The following FAM13B variants were observed in gnomAD, a reference collection of about 807,000 sequenced individuals.
The protein encoded by FAM13B is family with sequence similarity 13 member B.
Under a neutral mutation model 117.3 loss-of-function variants are expected in FAM13B, and 60 were observed. That is an observed-to-expected ratio of 0.51 (90% CI 0.42 to 0.63). FAM13B has a LOEUF of 0.63. FAM13B is among the 30% of genes least tolerant of loss of function. FAM13B has a pLI of 0.00. For synonymous variants in FAM13B, 332 were observed against 356.1 expected (o/e 0.93, Z 0.76); for missense variants, 972 against 1,091.9 (o/e 0.89, Z 1.55).
At chr5:137,941,857 T>G in intron 23 of FAM13B, 87 bp downstream of exon 23, 1 of 1,129,560 alleles carries the variant, frequency 8.9e-7, no homozygotes, top group Non-Finnish European at 1.3e-6. Context: ...GCACAATTTC[T>G]AATCCCACGT....
intron 14 of FAM13B, among the ~76,000 whole-genome samples, chr5:137,954,938 T>C (rs868729212): frequency 1.1e-4 from 16 of 152,122 alleles, no homozygotes; most frequent in Non-Finnish European, 1.5e-4. Context: ...TCTATTTCCA[T>C]ATAAATTTAA....
intron 21 of FAM13B, 31 bp from the exon 22 acceptor site, chr5:137,943,069 A>T (rs1206856731): frequency 1.2e-6 from 2 of 1,612,758 alleles, no homozygotes; most frequent in Admixed American, 3.3e-5. Flanking sequence ...AGAATCAAAC[A>T]TGCCTTGTCT....
chr5:138,051,768 T>C (rs1488410024), intron 1 of FAM13B: 2 of 152,074 alleles, frequency 1.3e-5, no homozygotes, highest in African/African-American at 4.8e-5. Context: ...AGAGAGGAAA[T>C]TCAAACCCTG....
At chr5:137,947,656 A>ACCGCAACCTCCGTCTCC in intron 18 of FAM13B, among the ~76,000 whole-genome samples, 1 of 151,944 alleles carries the variant, frequency 6.6e-6, no homozygotes, top group South Asian at 2.1e-4. Flanking sequence ...ATCCTGGCTC[A>ACCGCAACCTCCGTCTCC]CCGCAACCTC....
chr5:137,959,308 G>C (rs1023026312), intron 13 of FAM13B, among the ~76,000 whole-genome samples: 8 of 152,150 alleles, frequency 5.3e-5, no homozygotes, highest in Non-Finnish European at 1.0e-4. Flanking sequence ...CAAAGACTAG[G>C]AGATAGCACC....
chr5:138,027,969 A>C (rs570914201), intron 1 of FAM13B, among the ~76,000 whole-genome samples: 1 of 152,346 alleles, frequency 6.6e-6, no homozygotes, highest in East Asian at 1.9e-4. Context: ...CTCCCCAGCC[A>C]TGTAGAACTG....
At chr5:138,036,741 A>T (rs1791199583), upstream of FAM13B, 1 of 368,158 alleles carries the variant, frequency 2.7e-6, no homozygotes, top group Non-Finnish European at 5.3e-6. Context: ...TTTTTGGTGG[A>T]TGGAGGGAAG....
chr5:138,009,275 C>T (rs774585149), intron 6 of FAM13B, among the ~76,000 whole-genome samples: 3 of 152,148 alleles, frequency 2.0e-5, no homozygotes, highest in Non-Finnish European at 4.4e-5. Context: ...ATGTATAATG[C>T]TAATGAAAAG....
intron 8 of FAM13B, 85 bp downstream of exon 8, chr5:137,988,189 G>T: frequency 2.9e-6 from 3 of 1,034,090 alleles, no homozygotes; most frequent in South Asian, 3.4e-5. Flanking sequence ...CCTCTAAAGT[G>T]AGCACAAGTA....
chr5:137,943,395 G>A (rs1053536269), intron 20 of FAM13B, among the ~76,000 whole-genome samples, 179 bp from the exon 21 acceptor site: 1 of 152,066 alleles, frequency 6.6e-6, no homozygotes, highest in Admixed American at 6.5e-5. Context: ...TATGCACAAG[G>A]AAGATAATAA....
chr5:138,034,995 C>CGTTTTTTTTT (rs1561555609), upstream of FAM13B, among the ~76,000 whole-genome samples: 1 of 34,364 alleles, frequency 2.9e-5, no homozygotes, highest in Non-Finnish European at 4.9e-5. Context: ...ATTCCCTTGC[C>CGTTTTTTTTT]TTTTTTTTTT....
At chr5:138,011,208 G>T in intron 5 of FAM13B, 59 bp from the exon 6 acceptor site, 1 of 1,485,400 alleles carries the variant, frequency 6.7e-7, no homozygotes, top group Non-Finnish European at 9.1e-7. Flanking sequence ...GGTAAAGGTA[G>T]AAGACAACCA....
chr5:138,045,260 A>G (rs1418595398), intron 1 of FAM13B, among the ~76,000 whole-genome samples: 1 of 152,228 alleles, frequency 6.6e-6, no homozygotes, highest in Non-Finnish European at 1.5e-5. Context: ...GAGGCCAGGC[A>G]TGGTGGCTCA....
intron 7 of FAM13B, among the ~76,000 whole-genome samples, chr5:137,997,637 C>G (rs1296116270): frequency 6.6e-6 from 1 of 152,008 alleles, no homozygotes; most frequent in Non-Finnish European, 1.5e-5. Context: ...TGCTCACACC[C>G]CAAACTCCAC....
chr5:138,048,076 A>C (rs1014056285), intron 1 of FAM13B, among the ~76,000 whole-genome samples: 2 of 152,164 alleles, frequency 1.3e-5, no homozygotes, highest in African/African-American at 4.8e-5. Flanking sequence ...GAAAGAAAAA[A>C]GAAAGAAAGA....
chr5:138,052,077 T>TG (rs1791814720), upstream of FAM13B: 1 of 151,854 alleles, frequency 6.6e-6, no homozygotes, highest in South Asian at 2.1e-4. Flanking sequence ...CCAAGAAACA[T>TG]GGAGACCTTG....
chr5:137,940,422 G>A, intron 23 of FAM13B, 74 bp from the exon 24 acceptor site: 11 of 942,906 alleles, frequency 1.2e-5, no homozygotes, highest in South Asian at 8.4e-5. Flanking sequence ...GTCTTAATAT[G>A]AGACATACTG....
chr5:137,986,589 C>T (rs1777306548), intron 9 of FAM13B, among the ~76,000 whole-genome samples: 2 of 152,190 alleles, frequency 1.3e-5, no homozygotes, highest in Non-Finnish European at 2.9e-5. Flanking sequence ...AGTGGAGTAA[C>T]ATCATGCATT....
At chr5:138,025,313 A>C (rs11242412) in intron 1 of FAM13B, among the ~76,000 whole-genome samples, 1 of 111,198 alleles carries the variant, frequency 9.0e-6, no homozygotes, top group African/African-American at 3.3e-5. Flanking sequence ...ATATATATGT[A>C]TTTTTTTTTT....
Sources: allele counts gnomAD v4.1 joint callset (sites outside exome capture counted in the v4.1 genomes callset), GRCh38; gene constraint gnomAD v4.1.1; transcripts MANE v1.5; gene names NCBI Gene and HGNC (gene_info 2026-07-23, HGNC 2026-07-21).